The following SNX22 variants were observed in gnomAD, a reference collection of about 807,000 sequenced individuals.
SNX22 encodes sorting nexin 22, also known as sorting nexin-22.
In SNX22, 23 loss-of-function variants were observed where a neutral mutation model predicts 24.7. The ratio of observed to expected loss-of-function variants is 0.93; its 90% confidence interval spans 0.67 to 1.32. SNX22 has a LOEUF of 1.32. SNX22 is among the 40% of genes most tolerant of loss of function. The probability of loss-of-function intolerance (pLI) is 0.00; values close to 1 mark genes in which losing one functional copy is unlikely to be tolerated. For synonymous variants in SNX22, 99 were observed against 104.0 expected, an observed-to-expected ratio of 0.95 and a Z score of 0.29; for missense variants, 261 against 249.9, an observed-to-expected ratio of 1.04 and a Z score of -0.30.
intron 4 of SNX22, 143 bp from the exon 5 acceptor site, chr15:64,153,509 C>T: frequency 1.3e-6 from 2 of 1,492,030 alleles, no homozygotes; most frequent in African/African-American, 2.8e-5. Context: ...CTTGGTTACC[C>T]CCGCCACCTC....
At position 64,156,920 on chromosome 15, in the gene SNX22, A is replaced by G. The variant is rs535376686; in HGVS notation, c.*2412A>G. ...CGTAGATGCTCTTTCCTGGGAAAAA[A>G]GACAGAGCAGGTCAGGGGCGCTGGA... On this transcript the variant is annotated 3_prime_UTR_variant, in exon 7 of 7. Coordinates refer to ENST00000325881, the MANE Select transcript of SNX22 (RefSeq NM_024798.3). The surrounding 1 kb of genome is among the most constrained non-coding windows in gnomAD (Gnocchi z 6.4). 1 of 1,613,950 alleles carries G rather than the reference A, an allele frequency of 6.2e-7. No homozygotes were observed. The highest frequency in any genetic ancestry group is 8.5e-7 in the Non-Finnish European group (1 of 1,179,892).
At chr15:64,152,146 T>C in intron 1 of SNX22, 97 bp from the exon 2 acceptor site, 1 of 1,194,046 alleles carries the variant, frequency 8.4e-7, no homozygotes, top group Non-Finnish European at 1.1e-6. Flanking sequence ...CTTTGTGCCT[T>C]TGAGAGCGGG....
At position 64,153,680 on chromosome 15, in the gene SNX22, A is replaced by T. The variant is rs777173607; in HGVS notation, c.388A>T (p.Ser130Cys). The T allele has an allele frequency of 6.2e-7, 1 of 1,613,930 alleles. No individual in the cohort carries two copies. Among genetic ancestry groups the T allele is most frequent in the Non-Finnish European group, 8.5e-7 (1 of 1,180,020 alleles). Residue 130 changes from serine (S) to cysteine (C), a missense_variant, in exon 5 of 7, where the codon AGC (serine) becomes TGC (cysteine). Physicochemically the swap from Ser to Cys is moderately radical, Grantham distance 112. Transcript: ENST00000325881. ...GTLREFLPGD[S>C]SSQQHQRPVL... ...CCTGAGGGAGTTCCTGCCTGGCGACAGCAGGCAAGTCAAAGCCCTAGCCCG... is the reference window on the plus strand; with the variant it reads ...CCTGAGGGAGTTCCTGCCTGGCGACTGCAGGCAAGTCAAAGCCCTAGCCCG...
At position 64,153,125 on chromosome 15, in the gene SNX22, G is replaced by A; in HGVS notation, c.265-120G>A. ...AGAAGGGCCCTGAGCCTGGTTCAAC[G>A]CTCTGCTGTCATTGTCGTGAAATTC... On this transcript the variant is annotated intron_variant, in intron 3 of 6. Coordinates refer to ENST00000325881, the MANE Select transcript of SNX22 (RefSeq NM_024798.3). 11 of 1,264,402 alleles carry A rather than the reference G, an allele frequency of 8.7e-6. No individual in the cohort carries two copies. The South Asian group carries it at 1.5e-4, about 17-fold the overall frequency. The allele number at this position is 1,264,402 out of a possible 1,614,324, so 78.3% of individuals were successfully genotyped here.
At position 64,156,134 on chromosome 15, in the gene SNX22, C is replaced by A; in HGVS notation, c.*1626C>A. Reference sequence around the variant, plus strand: ...TGTCTGTCTTGGTGCTCTCCACCTTCCGCACCACCTCCTGGAAAAGAAAGG... The same window carrying A: ...TGTCTGTCTTGGTGCTCTCCACCTTACGCACCACCTCCTGGAAAAGAAAGG... On this transcript the variant is annotated 3_prime_UTR_variant, in exon 7 of 7. Coordinates refer to ENST00000325881, the MANE Select transcript of SNX22 (RefSeq NM_024798.3). This position sits in a 1 kb window ranked among gnomAD's most constrained non-coding sequence, Gnocchi z 6.4. The A allele has an allele frequency of 6.2e-7, 1 of 1,614,184 alleles. No individual in the cohort carries two copies. Among genetic ancestry groups the A allele is most frequent in the Non-Finnish European group, 8.5e-7 (1 of 1,180,034 alleles).
chr15:64,152,776 T>C (rs1185526217), intron 3 of SNX22, 34 bp downstream of exon 3: 2 of 1,587,072 alleles, frequency 1.3e-6, no homozygotes, highest in Admixed American at 1.7e-5. Context: ...CCCCCCGGCC[T>C]TCTGTGCCAG....
chr15:64,151,815 G>A lies in SNX22; in HGVS notation c.40G>A (p.Glu14Lys). Reference protein sequence around the residue: ...VHIPSVGPEAEGPRQSPEKSH... With the variant: ...VHIPSVGPEAKGPRQSPEKSH... The stretch of plus-strand genomic sequence containing the variant: ...CATCCCGTCGGTGGGGCCCGAGGCC[G>A]AGGGGCCCAGGCAGAGCCCGGAGAA... The change falls in exon 1 of 7, where the codon GAG becomes AAG. Residue 14 changes from glutamate (E) to lysine (K), a missense_variant. Glu to Lys is a moderately conservative substitution (Grantham distance 56, BLOSUM62 1). Coordinates refer to ENST00000325881, the MANE Select transcript of SNX22 (RefSeq NM_024798.3). The A allele has an allele frequency of 1.3e-6, 2 of 1,538,868 alleles. No individual in the cohort carries two copies. The highest frequency in any genetic ancestry group is 1.7e-6 in the Non-Finnish European group (2 of 1,144,558).
At chr15:64,152,984 C>T in intron 3 of SNX22, 2 of 608,302 alleles carry the variant, frequency 3.3e-6, no homozygotes, top group Admixed American at 5.9e-5. Context: ...CCTGTCCCCT[C>T]CATGGTGAGG....
chr15:64,154,956 CTTTTTTT>C lies in SNX22; in HGVS notation c.*466_*472del, dbSNP rs759317254. The C allele has an allele frequency of 1.6e-3, 130 of 81,552 alleles. No individual in the cohort carries two copies. Among genetic ancestry groups the C allele is most frequent in the South Asian group, 2.9e-3 (7 of 2,390 alleles). The allele number at this position is 81,552 out of a possible 1,614,324, so 5.1% of individuals were successfully genotyped here. On this transcript the variant is annotated 3_prime_UTR_variant, in exon 7 of 7. Coordinates refer to ENST00000325881, the MANE Select transcript of SNX22 (RefSeq NM_024798.3). ...TCGGGAAGCTGAGGTAGGAGAATCT[CTTTTTTT>C]TTTTTTTTTTTTTTTTTGAGACGGA...
chr15:64,153,612 G>A (rs758254334), intron 4 of SNX22, 40 bp from the exon 5 acceptor site: 1 of 1,613,722 alleles, frequency 6.2e-7, no homozygotes, highest in Non-Finnish European at 8.5e-7. Flanking sequence ...ACGCTCCCCC[G>A]GCATCCCCAG....
chr15:64,153,520 C>T, intron 4 of SNX22, 132 bp from the exon 5 acceptor site: 3 of 1,504,008 alleles, frequency 2.0e-6, no homozygotes, highest in Non-Finnish European at 1.8e-6. Flanking sequence ...CCGCCACCTC[C>T]GGAACTGGGG....
chr15:64,152,192 G>A (rs1207246551), intron 1 of SNX22, 51 bp from the exon 2 acceptor site: 2 of 1,353,540 alleles, frequency 1.5e-6, no homozygotes, highest in Non-Finnish European at 1.9e-6. Context: ...GTGCTGCGGC[G>A]TCCTCCCGCG....
chr15:64,152,687 A>T lies in SNX22; in HGVS notation c.209A>T (p.Asn70Ile), dbSNP rs781350202. The change falls in exon 3 of 7, where the codon AAC becomes ATC. Residue 70 changes from asparagine to isoleucine, a missense_variant. By Grantham distance (149) the Asn-to-Ile change is moderately radical (BLOSUM62 -3). Coordinates refer to ENST00000325881, the MANE Select transcript of SNX22 (RefSeq NM_024798.3). ...VPDFPSKRLPNWRTRGLEQRR... is the reference protein window; with the variant it reads ...VPDFPSKRLPIWRTRGLEQRR... ...GACTTCCCCTCGAAACGCCTGCCCAACTGGAGGACCAGAGGGTTGGAACAG... is the reference window on the plus strand; with the variant it reads ...GACTTCCCCTCGAAACGCCTGCCCATCTGGAGGACCAGAGGGTTGGAACAG... 1.2e-6 allele frequency: 2 copies of T among 1,614,196 alleles called. No homozygotes were observed. Among genetic ancestry groups the T allele is most frequent in the Non-Finnish European group, 1.7e-6 (2 of 1,180,020 alleles).
At position 64,156,318 on chromosome 15, in the gene SNX22, G is replaced by C. The variant is rs867471783; in HGVS notation, c.*1810G>C. The C allele has an allele frequency of 1.5e-5, 13 of 874,664 alleles. No individual in the cohort carries two copies. The highest frequency in any genetic ancestry group is 1.1e-4 in the East Asian group (4 of 37,698). The allele number at this position is 874,664 out of a possible 1,614,324, so 54.2% of individuals were successfully genotyped here. A position where few individuals can be genotyped will look rare whatever the true frequency, so the allele number is the denominator to read the frequency against. On this transcript the variant is annotated 3_prime_UTR_variant, in exon 7 of 7. Transcript: ENST00000325881. This position sits in a 1 kb window ranked among gnomAD's most constrained non-coding sequence, Gnocchi z 6.4. Reference sequence around the variant, plus strand: ...TCCTGGCCAGAGCAGGGAGAATGCAGATTTGACGAGGGGGTACAGGAATTT... The same window carrying C: ...TCCTGGCCAGAGCAGGGAGAATGCACATTTGACGAGGGGGTACAGGAATTT...
chr15:64,156,589 G>T lies in SNX22; in HGVS notation c.*2081G>T. 1.9e-6 allele frequency: 2 copies of T among 1,078,008 alleles called. No individual in the cohort carries two copies. The highest frequency in any genetic ancestry group is 1.4e-6 in the Non-Finnish European group (1 of 695,654). The allele number at this position is 1,078,008 out of a possible 1,614,324, so 66.8% of individuals were successfully genotyped here. A position where few individuals can be genotyped will look rare whatever the true frequency, so the allele number is the denominator to read the frequency against. ...GGCATGGAGGTACAGGGTTTATTCTGGACAGGAGCACTGGGCTGCATCTGT... is the reference window on the plus strand; with the variant it reads ...GGCATGGAGGTACAGGGTTTATTCTTGACAGGAGCACTGGGCTGCATCTGT... On this transcript the variant is annotated 3_prime_UTR_variant, in exon 7 of 7. Transcript: ENST00000325881. The surrounding 1 kb of genome is among the most constrained non-coding windows in gnomAD (Gnocchi z 6.4).
chr15:64,153,629 TAC>T (rs748176970), intron 4 of SNX22, 21 bp from the exon 5 acceptor site: 7 of 1,614,042 alleles, frequency 4.3e-6, no homozygotes, highest in East Asian at 2.2e-5. Flanking sequence ...CCAGGCAGCT[TAC>T]AGTGTTTCTC....
rs187502209 is a variant in SNX22 at position 64,152,573 on chromosome 15, T to A, written c.160-65T>A. On this transcript the variant is annotated intron_variant, in intron 2 of 6. Transcript: ENST00000325881. ...GCGGGGGCGCGGGAGGGCTTCTGGC[T>A]GGGGCGAAGAGGGCTTGAGGGCTCA... 2,553 of 1,497,332 alleles carry A rather than the reference T, an allele frequency of 1.7e-3. 16 individuals carry two copies. Among genetic ancestry groups the A allele is most frequent in the Middle Eastern group, 0.012 (71 of 5,864 alleles). The allele number at this position is 1,497,332 out of a possible 1,614,324, so 92.8% of individuals were successfully genotyped here. A position where few individuals can be genotyped will look rare whatever the true frequency, so the allele number is the denominator to read the frequency against.
rs893873199 is a variant in SNX22 at position 64,155,614 on chromosome 15, G to A, written c.*1106G>A. On this transcript the variant is annotated 3_prime_UTR_variant, in exon 7 of 7. Transcript: ENST00000325881. ...GAGGGTGGTGGCAAGGGGAGCAAAT[G>A]TGGAGGCCCAGTAGCTGGCAAAGTT... is the stretch of plus-strand genomic sequence containing the variant. 6 of 258,386 alleles carry A rather than the reference G, an allele frequency of 2.3e-5. No homozygotes were observed. The Admixed American group carries it at 3.0e-4, about 13-fold the overall frequency. 16.0% of individuals were successfully genotyped at this position (258,386 alleles called of 1,614,324 possible). A position where few individuals can be genotyped will look rare whatever the true frequency, so the allele number is the denominator to read the frequency against.
At chr15:64,153,526 T>A in intron 4 of SNX22, 126 bp from the exon 5 acceptor site, 1 of 1,510,578 alleles carries the variant, frequency 6.6e-7, no homozygotes, top group Non-Finnish European at 9.2e-7. Flanking sequence ...CCTCCGGAAC[T>A]GGGGCTTGTT....
Sources: allele counts gnomAD v4.1 joint callset, GRCh38; gene constraint gnomAD v4.1.1; non-coding constraint Gnocchi (gnomAD v3.1); transcripts MANE v1.5; gene names NCBI Gene and HGNC (gene_info 2026-07-23, HGNC 2026-07-21).